Variants in XPO6 observed in about 807,000 individuals in gnomAD.
XPO6 encodes exportin 6, also known as exportin-6.
In XPO6, 3 loss-of-function variants were observed where a neutral mutation model predicts 130.0. The observed-to-expected ratio is 0.02, with a 90% CI of 0.01 to 0.06. The LOEUF is 0.06. Among genes scored for constraint, XPO6 ranks in the 10% least tolerant of loss-of-function variants. The pLI, the probability that XPO6 is intolerant of heterozygous loss-of-function variation, is 1.00. For missense variants in XPO6, 970 were observed against 1,393.0 expected (o/e 0.70, Z 4.83); for synonymous variants, 524 against 548.9 (o/e 0.95, Z 0.63).
At chr16:28,129,784 T>A (rs761442903) in intron 12 of XPO6, among the ~76,000 whole-genome samples, 1 of 152,058 alleles carries the variant, frequency 6.6e-6, no homozygotes, top group Non-Finnish European at 1.5e-5. Flanking sequence ...GGCAAAATAA[T>A]CCCTTACACA....
chr16:28,139,898 C>T (rs952277425), intron 9 of XPO6, among the ~76,000 whole-genome samples: 1 of 152,136 alleles, frequency 6.6e-6, no homozygotes, highest in Admixed American at 6.5e-5. Context: ...TTGGAGAATT[C>T]ACCCCCCTCT....
chr16:28,182,033 C>T (rs2043624601), intron 1 of XPO6, among the ~76,000 whole-genome samples: 1 of 152,136 alleles, frequency 6.6e-6, no homozygotes, highest in South Asian at 2.1e-4. Context: ...GTAACCATTC[C>T]CAAACCATTT....
intron 7 of XPO6, chr16:28,155,591 T>G (rs991937284): frequency 6.3e-6 from 1 of 158,436 alleles, no homozygotes. Flanking sequence ...GCCATTGGTG[T>G]AAAACTCACA....
At chr16:28,129,519 C>T (rs903937930) in intron 12 of XPO6, among the ~76,000 whole-genome samples, 1 of 150,894 alleles carries the variant, frequency 6.6e-6, no homozygotes, top group Non-Finnish European at 1.5e-5. Flanking sequence ...CTATCTTCCA[C>T]AAACCAAGTC....
At chr16:28,161,887 A>G (rs2043283967) in intron 6 of XPO6, among the ~76,000 whole-genome samples, 1 of 152,258 alleles carries the variant, frequency 6.6e-6, no homozygotes, top group African/African-American at 2.4e-5. Flanking sequence ...CAACCAGGAA[A>G]AATGAGCAAT....
intron 1 of XPO6, among the ~76,000 whole-genome samples, chr16:28,200,004 A>G (rs1337813915): frequency 1.3e-5 from 2 of 152,036 alleles, no homozygotes; most frequent in African/African-American, 4.8e-5. Flanking sequence ...GAAAATACAA[A>G]AACTAGTCAG....
intron 15 of XPO6, among the ~76,000 whole-genome samples, chr16:28,113,724 C>A (rs1464284912): frequency 1.3e-5 from 2 of 152,138 alleles, no homozygotes; most frequent in Non-Finnish European, 2.9e-5. Context: ...ATAATACTTA[C>A]TCTAAGAAGA....
At position 28,106,391 on chromosome 16, in the gene XPO6, C is replaced by G; in HGVS notation, c.2604G>C (p.Met868Ile). 6.2e-7 allele frequency: 1 copy of G among 1,614,122 alleles called. No individual in the cohort carries two copies. The highest frequency in any genetic ancestry group is 1.3e-5 in the African/African-American group (1 of 75,060). Residue 868 changes from methionine (M) to isoleucine (I), a missense_variant, in exon 19 of 24, where the codon ATG becomes ATC. Physicochemically the swap from Met to Ile is conservative, Grantham distance 10. Around this residue, in one of 4 missense-constraint regions of XPO6, gnomAD observed 936 missense variants for 1,306.8 expected, o/e 0.72. Coordinates refer to ENST00000304658, the MANE Select transcript of XPO6 (RefSeq NM_015171.4). The surrounding 1 kb of genome is among the most constrained non-coding windows in gnomAD (Gnocchi z 4.2). ...TEQIIQTFLN[M>I]FTREQLAESI... is the part of the protein sequence containing the mutation. ...GGTGGGTCTGTGCTTACCTGGTAAA[C>G]ATGTTGAGGAAAGTCTGTATGATTT...
chr16:28,147,287 G>A (rs1464362171), intron 8 of XPO6, among the ~76,000 whole-genome samples: 2 of 152,132 alleles, frequency 1.3e-5, no homozygotes, highest in Non-Finnish European at 2.9e-5. Flanking sequence ...ACTTGGCTGG[G>A]CGTGGTGGCT....
chr16:28,171,452 C>CAAAAA (rs36000498), intron 4 of XPO6, among the ~76,000 whole-genome samples: 41 of 98,994 alleles, frequency 4.1e-4, no homozygotes, highest in African/African-American at 6.5e-4. Flanking sequence ...GACTCTGTCT[C>CAAAAA]AAAAAAAAAA....
intron 21 of XPO6, among the ~76,000 whole-genome samples, chr16:28,104,018 G>A (rs1017819000): frequency 6.6e-6 from 1 of 152,212 alleles, no homozygotes; most frequent in Non-Finnish European, 1.5e-5. Context: ...GCGAGGTGAT[G>A]CCGTCCCAGT....
intron 4 of XPO6, among the ~76,000 whole-genome samples, chr16:28,173,439 G>A (rs1333690466): frequency 6.6e-6 from 1 of 152,150 alleles, no homozygotes; most frequent in East Asian, 1.9e-4. Flanking sequence ...GGCAGGAGGT[G>A]CTAAAATCAA....
At position 28,101,902 on chromosome 16, in the gene XPO6, T is replaced by A; in HGVS notation, c.2990A>T (p.Lys997Ile). 1 of 1,614,108 alleles carries A rather than the reference T, an allele frequency of 6.2e-7. No individual in the cohort carries two copies. The highest frequency in any genetic ancestry group is 8.5e-7 in the Non-Finnish European group (1 of 1,180,036). Reference sequence around the variant, plus strand: ...AGTCTCCAAGTAGAAGAGATTTTGTTTAAAAAGGTGGATGTCGGGCTGGAG... The same window carrying A: ...AGTCTCCAAGTAGAAGAGATTTTGTATAAAAAGGTGGATGTCGGGCTGGAG... ...SFLQPDIHLFKQNLFYLETLN... is the reference protein window; with the variant it reads ...SFLQPDIHLFIQNLFYLETLN... The change falls in exon 22 of 24, where the codon AAA (lysine) becomes ATA (isoleucine). Residue 997 changes from lysine to isoleucine, a missense_variant. Transcript: ENST00000304658. This position sits in a 1 kb window ranked among gnomAD's most constrained non-coding sequence, Gnocchi z 5.4.
chr16:28,196,224 C>G (rs999194953), intron 1 of XPO6, among the ~76,000 whole-genome samples: 4 of 152,136 alleles, frequency 2.6e-5, no homozygotes, highest in African/African-American at 9.7e-5. Flanking sequence ...GAATTTAAGA[C>G]TGCTGCCACA....
intron 7 of XPO6, chr16:28,154,240 T>G (rs976105342): frequency 1.1e-6 from 1 of 908,974 alleles, no homozygotes; most frequent in Admixed American, 1.1e-4. Context: ...TGCACTCAAT[T>G]CCCTACTACC....
intron 4 of XPO6, among the ~76,000 whole-genome samples, chr16:28,174,258 C>A (rs1405053772): frequency 6.6e-6 from 1 of 152,108 alleles, no homozygotes; most frequent in Non-Finnish European, 1.5e-5. Context: ...CCCCTAGATA[C>A]CCACGTGGTG....
At chr16:28,178,678 G>C (rs2043568811) in intron 2 of XPO6, among the ~76,000 whole-genome samples, 1 of 151,716 alleles carries the variant, frequency 6.6e-6, no homozygotes, top group Non-Finnish European at 1.5e-5. Context: ...TAGCCCAGGA[G>C]GCCGAGGTTG....
At chr16:28,112,428 T>C (rs2086949958) in intron 16 of XPO6, among the ~76,000 whole-genome samples, 1 of 152,176 alleles carries the variant, frequency 6.6e-6, no homozygotes, top group African/African-American at 2.4e-5. Flanking sequence ...CACATCCTGG[T>C]GCCCTCTGGT....
At chr16:28,197,977 A>AC (rs2043894448) in intron 1 of XPO6, among the ~76,000 whole-genome samples, 2 of 121,140 alleles carry the variant, frequency 1.7e-5, no homozygotes, top group East Asian at 2.9e-4. Flanking sequence ...AAAAAAAAAA[A>AC]AAAAAAAAAA....
Sources: allele counts gnomAD v4.1 joint callset (sites outside exome capture counted in the v4.1 genomes callset), GRCh38; gene constraint gnomAD v4.1.1; regional missense constraint gnomAD v4.1.1; non-coding constraint Gnocchi (gnomAD v3.1); transcripts MANE v1.5; gene names NCBI Gene and HGNC (gene_info 2026-07-23, HGNC 2026-07-21).